The following KCNH5 variants were observed in gnomAD, a reference collection of about 807,000 sequenced individuals.
KCNH5 encodes potassium voltage-gated channel subfamily H member 5, also known as voltage-gated delayed rectifier potassium channel KCNH5.
A neutral mutation model predicts 96.1 loss-of-function variants in KCNH5; 46 were observed. The observed-to-expected ratio is 0.48, with a 90% confidence interval of 0.38 to 0.61. KCNH5 has a LOEUF of 0.61. KCNH5 is among the 20% of genes least tolerant of loss of function. The probability of loss-of-function intolerance (pLI) is 0.00; values close to 1 mark genes in which losing one functional copy is unlikely to be tolerated. For synonymous variants in KCNH5, 439 were observed against 449.8 expected, an observed-to-expected ratio of 0.98 and a Z score of 0.30; for missense variants, 907 against 1,225.8, an observed-to-expected ratio of 0.74 and a Z score of 3.88.
At chr14:62,968,696 G>A (rs912753788) in intron 6 of KCNH5, among the ~76,000 whole-genome samples, 1 of 152,152 alleles carries the variant, frequency 6.6e-6, no homozygotes, top group Non-Finnish European at 1.5e-5. Context: ...TAGGAAATGT[G>A]GTATGCCTCA....
At chr14:62,718,175 T>C (rs1424955033) in intron 10 of KCNH5, among the ~76,000 whole-genome samples, 2 of 152,152 alleles carry the variant, frequency 1.3e-5, no homozygotes, top group African/African-American at 4.8e-5. Context: ...GGTTTTTCAC[T>C]ACCCAATATT....
At chr14:62,992,906 G>A (rs752057696) in intron 4 of KCNH5, among the ~76,000 whole-genome samples, 16 of 151,976 alleles carry the variant, frequency 1.1e-4, no homozygotes, top group South Asian at 2.1e-4. Context: ...ATGTCCAGAA[G>A]AGTTTTTCCT....
At chr14:63,035,207 A>AT (rs1891700854) in intron 1 of KCNH5, among the ~76,000 whole-genome samples, 1 of 152,168 alleles carries the variant, frequency 6.6e-6, no homozygotes, top group South Asian at 2.1e-4. Context: ...ACAAATAAAG[A>AT]TTTTTGCAAA....
chr14:62,818,501 A>G (rs1040597198), intron 8 of KCNH5, among the ~76,000 whole-genome samples: 4 of 152,214 alleles, frequency 2.6e-5, no homozygotes, highest in Admixed American at 1.3e-4. Context: ...CTAATATGTA[A>G]AAGGATGACA....
intron 1 of KCNH5, among the ~76,000 whole-genome samples, chr14:63,039,854 T>C (rs1032011654): frequency 4.0e-5 from 6 of 151,882 alleles, no homozygotes; most frequent in Admixed American, 2.6e-4. Flanking sequence ...ACTAACTACA[T>C]TGACTCCCTC....
At chr14:62,786,145 C>A (rs906556954) in intron 9 of KCNH5, among the ~76,000 whole-genome samples, 72 of 152,256 alleles carry the variant, frequency 4.7e-4, no homozygotes, top group African/African-American at 1.7e-3. Context: ...GAGCCGAGAT[C>A]ACGCCACTGC....
At chr14:63,015,725 T>C (rs2139606540) in intron 2 of KCNH5, among the ~76,000 whole-genome samples, 1 of 152,086 alleles carries the variant, frequency 6.6e-6, no homozygotes, top group Middle Eastern at 3.4e-3. Context: ...TAACGCCCTG[T>C]GGAACCCACA....
At chr14:62,856,890 C>T (rs1372383902) in intron 7 of KCNH5, among the ~76,000 whole-genome samples, 1 of 151,974 alleles carries the variant, frequency 6.6e-6, no homozygotes, top group Non-Finnish European at 1.5e-5. Context: ...ATACTGAAAA[C>T]TATTTGACGC....
At chr14:62,997,536 T>C (rs375289922) in intron 4 of KCNH5, among the ~76,000 whole-genome samples, 12 of 152,176 alleles carry the variant, frequency 7.9e-5, no homozygotes, top group African/African-American at 2.7e-4. Flanking sequence ...TTTTTGCATG[T>C]TAAACCAGCC....
At chr14:62,968,350 A>G (rs1467690560) in intron 6 of KCNH5, among the ~76,000 whole-genome samples, 2 of 152,178 alleles carry the variant, frequency 1.3e-5, no homozygotes, top group Non-Finnish European at 2.9e-5. Context: ...CTGTTCAGAG[A>G]CTGTGTCTTG....
At chr14:62,920,864 G>A (rs1227211107) in intron 7 of KCNH5, among the ~76,000 whole-genome samples, 2 of 152,106 alleles carry the variant, frequency 1.3e-5, no homozygotes, top group Non-Finnish European at 2.9e-5. Flanking sequence ...TAAGTCAGAG[G>A]TCATGCATTC....
intron 7 of KCNH5, among the ~76,000 whole-genome samples, chr14:62,916,773 G>A (rs529620026): frequency 5.9e-5 from 9 of 152,306 alleles, no homozygotes; most frequent in African/African-American, 2.2e-4. Flanking sequence ...GTGTGGCACA[G>A]GTGCAAATAA....
chr14:62,992,451 C>G (rs1429183161), intron 4 of KCNH5, among the ~76,000 whole-genome samples: 1 of 151,980 alleles, frequency 6.6e-6, no homozygotes, highest in Non-Finnish European at 1.5e-5. Context: ...CAACAGTGTA[C>G]AAGAGTTCCC....
At chr14:62,982,103 G>A (rs193232164) in intron 5 of KCNH5, among the ~76,000 whole-genome samples, 6 of 152,220 alleles carry the variant, frequency 3.9e-5, no homozygotes, top group Admixed American at 3.9e-4. Flanking sequence ...AACAGTTGAG[G>A]CGAGATCACG....
At chr14:62,839,870 C>T (rs10047883) in intron 8 of KCNH5, among the ~76,000 whole-genome samples, 16,477 of 151,950 alleles carry the variant, frequency 0.11, 1,116 homozygotes, top group East Asian at 0.29. Context: ...CAATCTTTCA[C>T]GTCCAAATTC....
Position 63,022,823 on chromosome 14 carries a change from C to A in KCNH5, c.74-5869G>T, listed in dbSNP as rs1167617032. Reference sequence around the variant, plus strand: ...TCCCTGACTGCTGATGAGGTTATATCCCTGTTATATAATTTTTTGACATGA... The same window carrying A: ...TCCCTGACTGCTGATGAGGTTATATACCTGTTATATAATTTTTTGACATGA... On this transcript the variant is annotated intron_variant, in intron 1 of 10. Coordinates refer to ENST00000322893, the MANE Select transcript of KCNH5 (RefSeq NM_139318.5). Among the ~76,000 whole-genome samples, 5 of 152,064 alleles carry A rather than the reference C, an allele frequency of 3.3e-5. No individual in the cohort carries two copies. In the South Asian group the frequency reaches 8.3e-4, roughly 25 times the overall value.
At chr14:62,720,275 A>C (rs1406253747) in intron 10 of KCNH5, among the ~76,000 whole-genome samples, 1 of 152,150 alleles carries the variant, frequency 6.6e-6, no homozygotes, top group Non-Finnish European at 1.5e-5. Flanking sequence ...GGGACTTCAG[A>C]TTTTACCTGT....
intron 10 of KCNH5, among the ~76,000 whole-genome samples, chr14:62,734,743 C>T (rs1885122001): frequency 6.6e-6 from 1 of 152,164 alleles, no homozygotes; most frequent in South Asian, 2.1e-4. Flanking sequence ...ACTTTAAGTG[C>T]TCTAAGGCAG....
At chr14:63,006,720 G>A (rs1457058722) in intron 2 of KCNH5, among the ~76,000 whole-genome samples, 1 of 152,198 alleles carries the variant, frequency 6.6e-6, no homozygotes, top group African/African-American at 2.4e-5. Flanking sequence ...AGTTTCCACA[G>A]TATGTTAACT....
Sources: gnomAD v4.1 joint callset for allele counts (sites outside exome capture counted in the v4.1 genomes callset) on GRCh38, gnomAD v4.1.1 for gene constraint, MANE v1.5 for transcripts, NCBI Gene and HGNC (gene_info 2026-07-23, HGNC 2026-07-21) for gene names.